Variants in UBE2E3 observed in about 807,000 individuals in gnomAD.
UBE2E3 encodes the protein ubiquitin conjugating enzyme E2 E3, also known as ubiquitin-conjugating enzyme E2 E3.
Under a neutral mutation model 23.6 loss-of-function variants are expected in UBE2E3, and 5 were observed. The ratio of observed to expected loss-of-function variants is 0.21; its 90% CI spans 0.11 to 0.44. The LOEUF is 0.44. Among genes scored for constraint, UBE2E3 ranks in the 20% least tolerant of loss-of-function variants. UBE2E3 has a pLI of 0.99. For synonymous variants in UBE2E3, 78 were observed against 87.5 expected, an observed-to-expected ratio of 0.89 and a Z score of 0.60; for missense variants, 81 against 249.8, an observed-to-expected ratio of 0.32 and a Z score of 4.55.
At chr2:181,005,998 C>G (rs778249431) in intron 3 of UBE2E3, among the ~76,000 whole-genome samples, 13 of 152,158 alleles carry the variant, frequency 8.5e-5, no homozygotes, top group Admixed American at 2.6e-4. Context: ...CCAAGAGCTG[C>G]TGATGTAAAC....
At chr2:181,036,942 A>G (rs555663489) in intron 3 of UBE2E3, among the ~76,000 whole-genome samples, 1 of 152,174 alleles carries the variant, frequency 6.6e-6, no homozygotes, top group South Asian at 2.1e-4. Flanking sequence ...GTTTCCAAGA[A>G]CCTATCCACA....
intron 3 of UBE2E3, among the ~76,000 whole-genome samples, chr2:181,032,337 G>A (rs1686109418): frequency 6.6e-6 from 1 of 152,038 alleles, no homozygotes; most frequent in Non-Finnish European, 1.5e-5. Context: ...TTTTTCCTCT[G>A]GAGAGCCAGC....
chr2:181,047,041 C>T (rs1427420286), intron 3 of UBE2E3, among the ~76,000 whole-genome samples: 1 of 152,124 alleles, frequency 6.6e-6, no homozygotes, highest in African/African-American at 2.4e-5. Context: ...TGTATTTTTA[C>T]AGAAAGAGTT....
At chr2:181,035,417 T>C (rs1317568970) in intron 3 of UBE2E3, among the ~76,000 whole-genome samples, 3 of 152,138 alleles carry the variant, frequency 2.0e-5, no homozygotes, top group Non-Finnish European at 4.4e-5. Context: ...ATAAAAAATA[T>C]GAATTACTTT....
intron 3 of UBE2E3, among the ~76,000 whole-genome samples, chr2:180,994,934 CGTTAAT>C (rs1305033353): frequency 6.6e-6 from 1 of 152,080 alleles, no homozygotes; most frequent in Non-Finnish European, 1.5e-5. Flanking sequence ...TCAAGAGAAT[CGTTAAT>C]GTAAATATTA....
chr2:181,002,320 G>A (rs4346343), intron 3 of UBE2E3, among the ~76,000 whole-genome samples: 115,767 of 152,086 alleles, frequency 0.76, 44,215 homozygotes, highest in East Asian at 0.88. Flanking sequence ...TTTATTTTCT[G>A]TTGCTCACTG....
chr2:181,055,625 G>C (rs949704908), intron 3 of UBE2E3, among the ~76,000 whole-genome samples: 5 of 151,722 alleles, frequency 3.3e-5, no homozygotes, highest in Non-Finnish European at 7.4e-5. Flanking sequence ...TAGCTTCTCT[G>C]CTTAGTCTAC....
At chr2:181,008,916 T>G (rs1261847519) in intron 3 of UBE2E3, among the ~76,000 whole-genome samples, 1 of 152,150 alleles carries the variant, frequency 6.6e-6, no homozygotes, top group Non-Finnish European at 1.5e-5. Context: ...CTTTTTTTTT[T>G]TTTTTTATCA....
At chr2:181,035,237 A>G (rs908201917) in intron 3 of UBE2E3, among the ~76,000 whole-genome samples, 5 of 152,164 alleles carry the variant, frequency 3.3e-5, no homozygotes, top group African/African-American at 1.2e-4. Flanking sequence ...TACACCTATT[A>G]TACTATGATT....
intron 3 of UBE2E3, among the ~76,000 whole-genome samples, chr2:181,004,799 A>G (rs1574173485): frequency 1.3e-5 from 2 of 152,318 alleles, no homozygotes; most frequent in African/African-American, 2.4e-5. Context: ...AAAGTAATAT[A>G]TATATACGTA....
chr2:181,046,944 A>G (rs10171108), intron 3 of UBE2E3, among the ~76,000 whole-genome samples: 118,387 of 152,012 alleles, frequency 0.78, 46,385 homozygotes, highest in East Asian at 0.91. Context: ...TATTCAGAGT[A>G]GAAAGAGTAT....
intron 3 of UBE2E3, among the ~76,000 whole-genome samples, chr2:181,050,065 A>G (rs1040189225): frequency 6.6e-6 from 1 of 152,020 alleles, no homozygotes; most frequent in Non-Finnish European, 1.5e-5. Context: ...ATTTGTAGTA[A>G]TTTATGTAAA....
chr2:181,043,267 A>T (rs533110297), intron 3 of UBE2E3, among the ~76,000 whole-genome samples: 48 of 152,322 alleles, frequency 3.2e-4, no homozygotes, highest in African/African-American at 1.1e-3. Flanking sequence ...GAATAAATAT[A>T]AGAAAATGAA....
Position 180,989,982 on chromosome 2 carries a change from A to G in UBE2E3, c.245+5889A>G, listed in dbSNP as rs10197957. The G allele has an allele frequency of 4.2e-4, 649 of 1,534,134 alleles. 2 individuals carry two copies. In the African/African-American group the frequency reaches 5.8e-3, roughly 14 times the overall value. On this transcript the variant is annotated intron_variant, in intron 3 of 5. Coordinates refer to ENST00000410062, the MANE Select transcript of UBE2E3 (RefSeq NM_006357.4). ...TTCCCTATCAATATGAGATAAAAACATAATAAAATCACTTGTAAATCTAGA... is the reference window on the plus strand; with the variant it reads ...TTCCCTATCAATATGAGATAAAAACGTAATAAAATCACTTGTAAATCTAGA...
At chr2:181,040,267 G>A (rs575298509) in intron 3 of UBE2E3, among the ~76,000 whole-genome samples, 100 of 152,228 alleles carry the variant, frequency 6.6e-4, no homozygotes, top group Non-Finnish European at 1.2e-3. Context: ...ATCCTTCTTC[G>A]TCCTTCCACG....
intron 3 of UBE2E3, among the ~76,000 whole-genome samples, chr2:181,037,198 A>C (rs6433880): frequency 0.23 from 35,364 of 152,134 alleles, 4,480 homozygotes; most frequent in Non-Finnish European, 0.28. Flanking sequence ...GCTGCCAGCA[A>C]ATATAATTAT....
At chr2:180,982,485 C>T (rs1161434055) in intron 2 of UBE2E3, among the ~76,000 whole-genome samples, 2 of 152,216 alleles carry the variant, frequency 1.3e-5, no homozygotes, top group Non-Finnish European at 2.9e-5. Context: ...AGAGATTAGA[C>T]TAACATTCTG....
chr2:181,008,728 A>G (rs1447763718), intron 3 of UBE2E3, among the ~76,000 whole-genome samples: 1 of 152,210 alleles, frequency 6.6e-6, no homozygotes, highest in Admixed American at 6.5e-5. Context: ...GGGAATGCTT[A>G]GAGCAGGTCA....
intron 3 of UBE2E3, among the ~76,000 whole-genome samples, chr2:181,022,129 A>G (rs1326699758): frequency 6.6e-6 from 1 of 152,230 alleles, no homozygotes; most frequent in Non-Finnish European, 1.5e-5. Context: ...TTAAACTTTG[A>G]TGTCCTATGA....
Sources: gnomAD v4.1 joint callset for allele counts (sites outside exome capture counted in the v4.1 genomes callset) on GRCh38, gnomAD v4.1.1 for gene constraint, MANE v1.5 for transcripts, NCBI Gene and HGNC (gene_info 2026-07-23, HGNC 2026-07-21) for gene names.